NRG3: variants seen among roughly 807,000 people sequenced by gnomAD.
The protein encoded by NRG3 is pro-neuregulin-3, membrane-bound isoform.
NRG3 carries 31 observed loss-of-function variants against 66.9 expected under a neutral mutation model. The observed-to-expected ratio is 0.46, with a 90% CI of 0.35 to 0.63. The LOEUF is 0.63. Among genes scored for constraint, NRG3 ranks in the 20% least tolerant of loss-of-function variants. NRG3 has a pLI of 0.00. For synonymous variants in NRG3, 393 were observed against 359.4 expected (o/e 1.09, Z -1.06); for missense variants, 910 against 878.9 (o/e 1.04, Z -0.45).
intron 1 of NRG3, among the ~76,000 whole-genome samples, chr10:82,158,098 G>A: frequency 6.6e-6 from 1 of 151,674 alleles, no homozygotes; most frequent in East Asian, 1.9e-4. Flanking sequence ...CCATTTAATA[G>A]AAAGGGGATA....
chr10:82,135,031 C>A (rs1015972395), intron 1 of NRG3, among the ~76,000 whole-genome samples: 2 of 149,798 alleles, frequency 1.3e-5, no homozygotes, highest in Non-Finnish European at 3.0e-5. Flanking sequence ...GAGGCTGAGG[C>A]AGGAGAATCA....
intron 3 of NRG3, among the ~76,000 whole-genome samples, chr10:82,759,042 A>T (rs183271566): frequency 5.2e-4 from 79 of 152,156 alleles, no homozygotes; most frequent in African/African-American, 1.9e-3. Context: ...CAGTGTTGGG[A>T]GGTAGGACCT....
chr10:82,371,252 T>G (rs1000057483), intron 2 of NRG3, among the ~76,000 whole-genome samples: 1 of 152,034 alleles, frequency 6.6e-6, no homozygotes. Flanking sequence ...AAATCCCTCA[T>G]GCAAGTTTTA....
chr10:81,955,606 A>G (rs1370754213), intron 1 of NRG3, among the ~76,000 whole-genome samples: 2 of 152,182 alleles, frequency 1.3e-5, no homozygotes, highest in Non-Finnish European at 2.9e-5. Context: ...TTATTCTTTA[A>G]ATATATTCAA....
At chr10:82,908,064 C>T (rs1186537669) in intron 4 of NRG3, among the ~76,000 whole-genome samples, 1 of 152,176 alleles carries the variant, frequency 6.6e-6, no homozygotes, top group Non-Finnish European at 1.5e-5. Flanking sequence ...GGAGTAGCTT[C>T]TCAATAGCCA....
chr10:82,171,759 T>C (rs1245226093), intron 1 of NRG3, among the ~76,000 whole-genome samples: 1 of 152,092 alleles, frequency 6.6e-6, no homozygotes, highest in Non-Finnish European at 1.5e-5. Context: ...ACTGTTGATA[T>C]TCTGGCCACT....
intron 2 of NRG3, among the ~76,000 whole-genome samples, chr10:82,639,598 T>C (rs887278472): frequency 5.3e-5 from 8 of 152,206 alleles, no homozygotes; most frequent in East Asian, 3.9e-4. Flanking sequence ...CTAATTTTCA[T>C]TGAAATTTTT....
At chr10:82,648,101 C>A (rs181310039) in intron 2 of NRG3, among the ~76,000 whole-genome samples, 12,756 of 149,682 alleles carry the variant, frequency 0.085, 578 homozygotes, top group East Asian at 0.22. Flanking sequence ...CTGAATGGTA[C>A]TGCCTAGGTT....
intron 2 of NRG3, among the ~76,000 whole-genome samples, chr10:82,654,192 A>G (rs2051666767): frequency 6.6e-6 from 1 of 152,148 alleles, no homozygotes. Flanking sequence ...TGAAGGTTGA[A>G]GGAGCTATGT....
chr10:82,635,301 A>G (rs1211195171), intron 2 of NRG3, among the ~76,000 whole-genome samples: 1 of 152,164 alleles, frequency 6.6e-6, no homozygotes, highest in Non-Finnish European at 1.5e-5. Context: ...TTCTCTCCCC[A>G]TAATCTAAAG....
chr10:81,942,243 G>A (rs1035570867), intron 1 of NRG3, among the ~76,000 whole-genome samples: 4 of 152,018 alleles, frequency 2.6e-5, no homozygotes, highest in African/African-American at 7.2e-5. Context: ...ACAGAAATGC[G>A]ACTGCGTTTT....
At chr10:81,963,125 CTTTTTTTT>C (rs777026850) in intron 1 of NRG3, among the ~76,000 whole-genome samples, 2 of 70,114 alleles carry the variant, frequency 2.9e-5, no homozygotes, top group Non-Finnish European at 5.2e-5. Flanking sequence ...CACGAGGGCT[CTTTTTTTT>C]TTTTTTTTTT....
intron 1 of NRG3, among the ~76,000 whole-genome samples, chr10:81,959,994 A>C (rs985590439): frequency 2.0e-5 from 3 of 152,008 alleles, no homozygotes; most frequent in African/African-American, 7.2e-5. Context: ...ATTAATATGC[A>C]TGCCTGAATT....
At chr10:82,089,350 C>G (rs1174702605) in intron 1 of NRG3, among the ~76,000 whole-genome samples, 1 of 152,088 alleles carries the variant, frequency 6.6e-6, no homozygotes, top group African/African-American at 2.4e-5. Context: ...TTCACTTGAG[C>G]GTTCTTATTG....
At chr10:82,796,921 C>G (rs149356706) in intron 3 of NRG3, among the ~76,000 whole-genome samples, 37 of 151,884 alleles carry the variant, frequency 2.4e-4, no homozygotes, top group Non-Finnish European at 4.7e-4. Context: ...TGCCATAAAG[C>G]TAGTCCCAAA....
At chr10:82,020,333 C>T (rs984687985) in intron 1 of NRG3, among the ~76,000 whole-genome samples, 4 of 152,086 alleles carry the variant, frequency 2.6e-5, no homozygotes, top group African/African-American at 9.7e-5. Context: ...TGAAGAGTCT[C>T]ACTATTCTTT....
chr10:82,523,949 G>A (rs1846443507), intron 2 of NRG3, among the ~76,000 whole-genome samples: 1 of 152,038 alleles, frequency 6.6e-6, no homozygotes, highest in Admixed American at 6.5e-5. Context: ...ATCAAAAACA[G>A]GTACTGAGAA....
At chr10:82,824,482 A>G (rs1387903948) in intron 3 of NRG3, among the ~76,000 whole-genome samples, 1 of 152,114 alleles carries the variant, frequency 6.6e-6, no homozygotes, top group Non-Finnish European at 1.5e-5. Flanking sequence ...TTTCATTCTC[A>G]CCAGCAATGT....
chr10:82,182,596 A>AT (rs2133241151), intron 1 of NRG3, among the ~76,000 whole-genome samples: 1 of 151,984 alleles, frequency 6.6e-6, no homozygotes, highest in Non-Finnish European at 1.5e-5. Context: ...CAAATAGTAT[A>AT]TTTTTATAGT....
Sources: allele counts gnomAD v4.1 joint callset (sites outside exome capture counted in the v4.1 genomes callset), GRCh38; gene constraint gnomAD v4.1.1; transcripts MANE v1.5; gene names NCBI Gene and HGNC (gene_info 2026-07-23, HGNC 2026-07-21).